RTTN: variants seen among roughly 807,000 people sequenced by gnomAD.
RTTN encodes the protein rotatin.
RTTN carries 182 observed loss-of-function variants against 269.2 expected under a neutral mutation model. That is an observed-to-expected ratio of 0.68 (90% confidence interval 0.60 to 0.76). RTTN has a LOEUF of 0.76. RTTN is among the 30% of genes least tolerant of loss of function. The probability of loss-of-function intolerance (pLI) is 0.00; values close to 1 mark genes in which losing one functional copy is unlikely to be tolerated. For synonymous variants in RTTN, 1,006 were observed against 963.5 expected (o/e 1.04, Z -0.82); for missense variants, 2,545 against 2,608.6 (o/e 0.98, Z 0.53).
At chr18:70,184,703 GTTT>G (rs374636456) in intron 10 of RTTN, among the ~76,000 whole-genome samples, 2,176 of 26,380 alleles carry the variant, frequency 0.082, 128 homozygotes, top group Non-Finnish European at 0.17. Flanking sequence ...ACCACAGCAG[GTTT>G]TTTTTTTTTT....
intron 10 of RTTN, 60 bp from the exon 11 acceptor site, chr18:70,176,905 C>A (rs1177025170): frequency 3.0e-6 from 4 of 1,326,930 alleles, no homozygotes; most frequent in Non-Finnish European, 4.2e-6. Flanking sequence ...GGCCAGTATA[C>A]AAAAGCCATG....
chr18:70,023,529 A>G (rs1599143835), intron 44 of RTTN, among the ~76,000 whole-genome samples: 2 of 152,140 alleles, frequency 1.3e-5, no homozygotes, highest in African/African-American at 4.8e-5. Flanking sequence ...TCCCCATTTT[A>G]GTAAATGGCA....
chr18:70,005,169 A>G (rs1568227465), intron 48 of RTTN, 29 bp downstream of exon 48: 3 of 1,538,782 alleles, frequency 1.9e-6, no homozygotes, highest in Admixed American at 1.7e-5. Flanking sequence ...TCTGAGTTTA[A>G]CTATAATCTC....
intron 13 of RTTN, 125 bp downstream of exon 13, chr18:70,166,794 A>T: frequency 1.6e-6 from 1 of 633,144 alleles, no homozygotes; most frequent in Non-Finnish European, 2.7e-6. Context: ...AGACACATAT[A>T]AAAGCAATTA....
intron 32 of RTTN, among the ~76,000 whole-genome samples, chr18:70,084,454 T>C (rs985998109): frequency 2.0e-5 from 3 of 152,164 alleles, no homozygotes; most frequent in Non-Finnish European, 4.4e-5. Context: ...CAAAGGACCA[T>C]GTGCCCCACT....
chr18:70,172,729 CT>C (rs1171089004), intron 11 of RTTN, among the ~76,000 whole-genome samples: 2 of 151,650 alleles, frequency 1.3e-5, no homozygotes, highest in Non-Finnish European at 2.9e-5. Context: ...TTACATTATT[CT>C]GGCACTAAGT....
chr18:70,109,749 C>G (rs1392033500), intron 27 of RTTN, 32 bp from the exon 28 acceptor site: 1 of 1,569,432 alleles, frequency 6.4e-7, no homozygotes, highest in Non-Finnish European at 8.8e-7. Flanking sequence ...AATCAACCAC[C>G]AAGAAAGTAT....
chr18:70,037,917 G>A (rs187341231), intron 40 of RTTN, among the ~76,000 whole-genome samples: 14 of 152,258 alleles, frequency 9.2e-5, no homozygotes, highest in Admixed American at 3.9e-4. Context: ...GGCAACATTC[G>A]TCACAGAATG....
chr18:70,128,620 G>A (rs1343090043), intron 23 of RTTN, 74 bp from the exon 24 acceptor site: 2 of 1,290,098 alleles, frequency 1.6e-6, no homozygotes, highest in East Asian at 2.5e-5. Flanking sequence ...AGCCACAAAT[G>A]AGGGCTAGTT....
At chr18:70,034,828 A>C (rs2057122418) in intron 40 of RTTN, among the ~76,000 whole-genome samples, 1 of 152,226 alleles carries the variant, frequency 6.6e-6, no homozygotes, top group Admixed American at 6.5e-5. Flanking sequence ...CCTTAAGCTG[A>C]TAAACAATTT....
At chr18:70,061,260 C>A in intron 35 of RTTN, 1 of 439,398 alleles carries the variant, frequency 2.3e-6, no homozygotes, top group Non-Finnish European at 4.6e-6. Context: ...TAATAAGGTA[C>A]CTGCACCCTA....
intron 34 of RTTN, among the ~76,000 whole-genome samples, chr18:70,072,315 C>T (rs959919710): frequency 3.3e-5 from 5 of 152,006 alleles, no homozygotes; most frequent in Non-Finnish European, 7.4e-5. Flanking sequence ...ACACATATTA[C>T]AAAATTCTTT....
chr18:70,181,713 CTT>C (rs2061426207), intron 10 of RTTN, among the ~76,000 whole-genome samples: 1 of 152,106 alleles, frequency 6.6e-6, no homozygotes, highest in Non-Finnish European at 1.5e-5. Context: ...CTGCTTCCGT[CTT>C]TCTTTTGAAA....
At position 70,116,818 on chromosome 18, in the gene RTTN, G is replaced by A. The variant is rs767986759; in HGVS notation, c.3529-2219C>T. Among the ~76,000 whole-genome samples the A allele has an allele frequency of 7.2e-5, 11 of 152,058 alleles. No individual in the cohort carries two copies. The South Asian group carries it at 1.5e-3, about 20-fold the overall frequency. ...TCTGAGTGCACATTGAGCCCGTTAC[G>A]GGAAAGCCAGCCAAGGAAAATATAT... On this transcript the variant is annotated intron_variant, in intron 26 of 48. Coordinates refer to ENST00000640769, the MANE Select transcript of RTTN (RefSeq NM_173630.4).
At chr18:70,041,572 T>C (rs1023484427) in intron 40 of RTTN, among the ~76,000 whole-genome samples, 3 of 152,082 alleles carry the variant, frequency 2.0e-5, no homozygotes, top group East Asian at 1.9e-4. Context: ...GGATGAAGGA[T>C]TGCTTCAAGT....
intron 34 of RTTN, among the ~76,000 whole-genome samples, chr18:70,067,958 G>A (rs2058189138): frequency 6.6e-6 from 1 of 152,160 alleles, no homozygotes; most frequent in East Asian, 1.9e-4. Flanking sequence ...GTACCTTATT[G>A]TATTATAACT....
In RTTN at chr18:70,117,800, G is replaced by A. The variant is rs1599636504; in HGVS notation, c.3529-3201C>T. 2.0e-5 allele frequency among the ~76,000 whole-genome samples: 3 copies of A among 152,034 alleles called. No homozygotes were observed. The South Asian group carries it at 6.2e-4, about 32-fold the overall frequency. On this transcript the variant is annotated intron_variant, in intron 26 of 48. Transcript: ENST00000640769. ...ATCTAATATCATTTCTGACCATAGT[G>A]ATAAAAAACTAGAAGTCACCAAAAG... is the stretch of plus-strand genomic sequence containing the variant.
In RTTN at chr18:70,073,778, G is replaced by A. The variant is rs529976222; in HGVS notation, c.4653+128C>T. On this transcript the variant is annotated intron_variant, in intron 34 of 48. Transcript: ENST00000640769. ...GAATACAATAATTTAGCAAAATTCT[G>A]CAGAAAGCACTTCGAATAAATCATA... is the stretch of plus-strand genomic sequence containing the variant. The A allele has an allele frequency of 5.6e-5, 35 of 620,306 alleles. No individual in the cohort carries two copies. In the African/African-American group the frequency reaches 6.3e-4, roughly 11 times the overall value. The allele number at this position is 620,306 out of a possible 1,614,324, so 38.4% of individuals were successfully genotyped here.
chr18:70,199,368 G>T, intron 5 of RTTN, 46 bp downstream of exon 5: 1 of 1,288,494 alleles, frequency 7.8e-7, no homozygotes, highest in South Asian at 1.2e-5. Flanking sequence ...CAAACTTAAT[G>T]ACTATAAGTG....
Sources: allele counts gnomAD v4.1 joint callset (sites outside exome capture counted in the v4.1 genomes callset), GRCh38; gene constraint gnomAD v4.1.1; transcripts MANE v1.5; gene names NCBI Gene and HGNC (gene_info 2026-07-23, HGNC 2026-07-21).